Variants in BMAL2 observed in about 807,000 individuals in gnomAD.
The protein encoded by BMAL2 is basic helix-loop-helix ARNT-like protein 2.
At chr12:27,424,079 A>C in the BMAL2 span, 1 of 152,260 alleles carries the variant, frequency 6.6e-6, no homozygotes, top group African/African-American at 2.4e-5. Context: ...TTAAAACATT[A>C]AAATTAGTTC....
the BMAL2 span, among the ~76,000 whole-genome samples, chr12:27,370,543 T>C: frequency 6.6e-6 from 1 of 152,144 alleles, no homozygotes; most frequent in Non-Finnish European, 1.5e-5. Context: ...GAAAAATATA[T>C]GAGAATGTCC....
At chr12:27,420,380 G>A in the BMAL2 span, 2 of 1,613,890 alleles carry the variant, frequency 1.2e-6, 1 homozygote, top group South Asian at 2.2e-5. Context: ...ACACAGGCCT[G>A]TATTTTAATT....
the BMAL2 span, among the ~76,000 whole-genome samples, chr12:27,374,085 A>T: frequency 6.6e-6 from 1 of 152,228 alleles, no homozygotes; most frequent in Non-Finnish European, 1.5e-5. Context: ...AGTACATTTG[A>T]ATTTCACCAA....
chr12:27,405,039 C>T, the BMAL2 span, among the ~76,000 whole-genome samples: 1 of 152,182 alleles, frequency 6.6e-6, no homozygotes, highest in Non-Finnish European at 1.5e-5. Context: ...AAGGCGGCAG[C>T]GAGGCTGGGG....
chr12:27,361,783 C>CT, the BMAL2 span, among the ~76,000 whole-genome samples: 1 of 152,154 alleles, frequency 6.6e-6, no homozygotes, highest in Non-Finnish European at 1.5e-5. Context: ...CCATATTTTC[C>CT]TTTTGCTTAC....
At chr12:27,422,654 G>C in the BMAL2 span, 2 of 152,216 alleles carry the variant, frequency 1.3e-5, no homozygotes, top group Admixed American at 1.3e-4. Context: ...GGGGAGAATT[G>C]GTGTGCAGCA....
At chr12:27,424,613 T>A in the BMAL2 span, 1 of 152,218 alleles carries the variant, frequency 6.6e-6, no homozygotes, top group Non-Finnish European at 1.5e-5. Flanking sequence ...ATAGCCAATA[T>A]TTAGTTCCCA....
the BMAL2 span, among the ~76,000 whole-genome samples, chr12:27,350,810 G>A: frequency 2.0e-5 from 3 of 151,516 alleles, no homozygotes; most frequent in South Asian, 2.1e-4. Context: ...CTCCTGTGTC[G>A]CTGGGATTAC....
chr12:27,383,586 C>T, the BMAL2 span, among the ~76,000 whole-genome samples: 1 of 152,100 alleles, frequency 6.6e-6, no homozygotes, highest in Non-Finnish European at 1.5e-5. Flanking sequence ...TGATGTACAC[C>T]GACGGGGTTT....
chr12:27,384,944 T>C, the BMAL2 span, among the ~76,000 whole-genome samples: 3 of 152,320 alleles, frequency 2.0e-5, no homozygotes, highest in East Asian at 5.8e-4. Context: ...ATGTGCATAT[T>C]TGAATATAAA....
the BMAL2 span, chr12:27,401,736 C>G: frequency 8.0e-7 from 1 of 1,249,508 alleles, no homozygotes; most frequent in Non-Finnish European, 1.1e-6. Flanking sequence ...TTGCTTTTCT[C>G]CTCTCATCTT....
the BMAL2 span, among the ~76,000 whole-genome samples, chr12:27,413,567 A>G: frequency 6.6e-6 from 1 of 152,216 alleles, no homozygotes; most frequent in Non-Finnish European, 1.5e-5. Flanking sequence ...TCAAATCACA[A>G]AGGAAGACAG....
the BMAL2 span, among the ~76,000 whole-genome samples, chr12:27,412,337 G>C: frequency 6.6e-6 from 1 of 152,196 alleles, no homozygotes; most frequent in East Asian, 1.9e-4. Flanking sequence ...ACTCAATTGA[G>C]AGAGGAATTG....
the BMAL2 span, among the ~76,000 whole-genome samples, chr12:27,350,958 G>A: frequency 6.7e-6 from 1 of 148,450 alleles, no homozygotes; most frequent in Non-Finnish European, 1.5e-5. Flanking sequence ...AGGATTACAG[G>A]CATGAGCCAC....
At chr12:27,346,769 G>A in the BMAL2 span, among the ~76,000 whole-genome samples, 54 of 152,238 alleles carry the variant, frequency 3.5e-4, 1 homozygote, top group East Asian at 4.8e-3. Flanking sequence ...GAGATGGTTC[G>A]GATGTTTGCC....
At chr12:27,367,545 T>C in the BMAL2 span, among the ~76,000 whole-genome samples, 1 of 152,292 alleles carries the variant, frequency 6.6e-6, no homozygotes, top group Non-Finnish European at 1.5e-5. Context: ...GTAACATTGG[T>C]TTGTGTAACA....
chr12:27,335,030 G>T, the BMAL2 span, among the ~76,000 whole-genome samples: 1 of 152,192 alleles, frequency 6.6e-6, no homozygotes, highest in African/African-American at 2.4e-5. Flanking sequence ...CTCACTTCCA[G>T]ACACCTGCTT....
the BMAL2 span, among the ~76,000 whole-genome samples, chr12:27,353,198 A>C: frequency 0.029 from 4,463 of 152,352 alleles, 88 homozygotes; most frequent in South Asian, 0.089. Flanking sequence ...AGCAGTAACC[A>C]AAACAGCATG....
chr12:27,416,056 GAACC>G, the BMAL2 span: 2 of 748,744 alleles, frequency 2.7e-6, no homozygotes, highest in Non-Finnish European at 4.3e-6. Context: ...AAAAAAAAAT[GAACC>G]CATTTTGATC....
Sources: gnomAD v4.1 joint callset for allele counts (sites outside exome capture counted in the v4.1 genomes callset) on GRCh38, gnomAD v4.1.1 for gene constraint, MANE v1.5 for transcripts, NCBI Gene and HGNC (gene_info 2026-07-23, HGNC 2026-07-21) for gene names.